PCDH9: variants seen among roughly 807,000 people sequenced by gnomAD.
PCDH9 encodes the protein protocadherin 9.
Under a neutral mutation model 70.6 loss-of-function variants are expected in PCDH9, and 24 were observed. The observed-to-expected ratio is 0.34, with a 90% confidence interval of 0.25 to 0.48. The LOEUF is 0.48. Ranked by LOEUF, PCDH9 falls within the 20% of genes least tolerant of loss-of-function variation. The pLI is 0.99. For synonymous variants in PCDH9, 562 were observed against 558.5 expected, an observed-to-expected ratio of 1.01 and a Z score of -0.09; for missense variants, 1,281 against 1,503.6, an observed-to-expected ratio of 0.85 and a Z score of 2.45.
intron 4 of PCDH9, among the ~76,000 whole-genome samples, chr13:66,322,557 A>T (rs1310673206): frequency 6.6e-6 from 1 of 152,016 alleles, no homozygotes; most frequent in East Asian, 1.9e-4. Context: ...TGCTTCCTTC[A>T]TATCATTAGA....
chr13:66,461,170 C>T (rs1958417627), intron 4 of PCDH9, among the ~76,000 whole-genome samples: 1 of 151,750 alleles, frequency 6.6e-6, no homozygotes. Flanking sequence ...ATTAAACCTT[C>T]TTAAAAGATT....
At chr13:66,605,858 T>C (rs1198802426) in intron 4 of PCDH9, among the ~76,000 whole-genome samples, 1 of 152,122 alleles carries the variant, frequency 6.6e-6, no homozygotes, top group Admixed American at 6.6e-5. Flanking sequence ...TAGGGACATT[T>C]GTTTTTTCCT....
intron 4 of PCDH9, among the ~76,000 whole-genome samples, chr13:66,576,787 A>T (rs1593712415): frequency 1.3e-5 from 2 of 152,086 alleles, no homozygotes; most frequent in East Asian, 3.8e-4. Flanking sequence ...GCTATAAAAA[A>T]CTAGATGCAA....
intron 3 of PCDH9, among the ~76,000 whole-genome samples, chr13:66,693,512 T>G (rs185856122): frequency 6.6e-6 from 1 of 152,150 alleles, no homozygotes; most frequent in African/African-American, 2.4e-5. Flanking sequence ...AATTCATGAT[T>G]TTATGAAATA....
chr13:66,364,047 C>A (rs534540741), intron 4 of PCDH9, among the ~76,000 whole-genome samples: 6 of 151,948 alleles, frequency 3.9e-5, no homozygotes, highest in Non-Finnish European at 8.8e-5. Context: ...CCCAGCTACT[C>A]GGGAAGCTGA....
At chr13:66,808,310 C>T (rs1018744014) in intron 3 of PCDH9, among the ~76,000 whole-genome samples, 1 of 151,790 alleles carries the variant, frequency 6.6e-6, no homozygotes, top group African/African-American at 2.4e-5. Flanking sequence ...ATACTATATC[C>T]TCAATAAACT....
intron 4 of PCDH9, among the ~76,000 whole-genome samples, chr13:66,600,321 T>C (rs2077150445): frequency 6.6e-6 from 1 of 151,902 alleles, no homozygotes; most frequent in Non-Finnish European, 1.5e-5. Flanking sequence ...CAACGTATTT[T>C]AGAACCACGA....
At chr13:66,938,325 A>G (rs2082951272) in intron 2 of PCDH9, among the ~76,000 whole-genome samples, 1 of 152,254 alleles carries the variant, frequency 6.6e-6, no homozygotes, top group African/African-American at 2.4e-5. Flanking sequence ...ATACCAGAAT[A>G]AATAAAGCAT....
intron 4 of PCDH9, among the ~76,000 whole-genome samples, chr13:66,508,255 G>A (rs773299265): frequency 3.3e-5 from 5 of 152,170 alleles, no homozygotes; most frequent in Admixed American, 2.0e-4. Flanking sequence ...GGGGATTAGG[G>A]GAGGAGGGAA....
At chr13:67,208,863 C>T (rs2089411414) in intron 2 of PCDH9, 1 of 152,178 alleles carries the variant, frequency 6.6e-6, no homozygotes. Context: ...TTTGCTGCCA[C>T]TGTTTGTGAT....
chr13:67,062,258 A>T (rs1347563427), intron 2 of PCDH9, among the ~76,000 whole-genome samples: 1 of 152,208 alleles, frequency 6.6e-6, no homozygotes, highest in Non-Finnish European at 1.5e-5. Flanking sequence ...AATGAAAAAA[A>T]TACAGCACAT....
chr13:66,905,279 C>T (rs1210798300), intron 2 of PCDH9, among the ~76,000 whole-genome samples: 1 of 152,038 alleles, frequency 6.6e-6, no homozygotes, highest in African/African-American at 2.4e-5. Context: ...AGCCTCTCCA[C>T]ATATCTATTC....
At chr13:66,818,749 G>A (rs1799134686) in intron 3 of PCDH9, among the ~76,000 whole-genome samples, 1 of 151,888 alleles carries the variant, frequency 6.6e-6, no homozygotes, top group Admixed American at 6.6e-5. Flanking sequence ...TGGCTAACAC[G>A]GTGAAACCCC....
intron 3 of PCDH9, among the ~76,000 whole-genome samples, chr13:66,746,989 A>G (rs1192248078): frequency 9.4e-6 from 1 of 105,928 alleles, no homozygotes; most frequent in African/African-American, 2.9e-5. Context: ...TAAGCATATC[A>G]TTTTAAACAT....
At chr13:67,074,079 T>TC (rs1381225134) in intron 2 of PCDH9, among the ~76,000 whole-genome samples, 22 of 151,508 alleles carry the variant, frequency 1.5e-4, no homozygotes, top group South Asian at 8.3e-4. Flanking sequence ...TATCTGTTTA[T>TC]TATCTATCTG....
chr13:66,448,866 A>T (rs754537058), intron 4 of PCDH9, among the ~76,000 whole-genome samples: 6 of 152,230 alleles, frequency 3.9e-5, no homozygotes, highest in Non-Finnish European at 5.9e-5. Flanking sequence ...GCAAGAATTT[A>T]TTTGAAAGCA....
chr13:66,910,066 C>T (rs2082434452), intron 2 of PCDH9, among the ~76,000 whole-genome samples: 1 of 152,126 alleles, frequency 6.6e-6, no homozygotes. Context: ...CAGATCTTTC[C>T]ACCTAGAGAT....
At chr13:67,169,231 C>T (rs905586157) in intron 2 of PCDH9, among the ~76,000 whole-genome samples, 1 of 152,144 alleles carries the variant, frequency 6.6e-6, no homozygotes, top group African/African-American at 2.4e-5. Context: ...GAAGCCAGAA[C>T]TATATAATTG....
chr13:67,139,896 C>G (rs565897381), intron 2 of PCDH9, among the ~76,000 whole-genome samples: 1 of 151,938 alleles, frequency 6.6e-6, no homozygotes, highest in Non-Finnish European at 1.5e-5. Context: ...TTTTCAAGTA[C>G]GCTTTTTTTG....
Sources: allele counts gnomAD v4.1 joint callset (sites outside exome capture counted in the v4.1 genomes callset), GRCh38; gene constraint gnomAD v4.1.1; transcripts MANE v1.5; gene names NCBI Gene and HGNC (gene_info 2026-07-23, HGNC 2026-07-21).